The following RHBDD1 variants were observed in gnomAD, a reference collection of about 807,000 sequenced individuals.
RHBDD1 encodes the protein rhomboid domain containing 1, also known as rhomboid-related protein 4.
RHBDD1 carries 38 observed loss-of-function variants against 36.3 expected under a neutral mutation model. The observed-to-expected ratio is 1.05, with a 90% CI of 0.81 to 1.37. The LOEUF is 1.37. Among genes scored for constraint, RHBDD1 ranks in the 40% most tolerant of loss-of-function variants. RHBDD1 has a pLI of 0.00. For missense variants in RHBDD1, 393 were observed against 377.6 expected, an observed-to-expected ratio of 1.04 and a Z score of -0.34; for synonymous variants, 151 against 136.5, an observed-to-expected ratio of 1.11 and a Z score of -0.74.
rs565239026 is a variant in RHBDD1 at position 226,935,622 on chromosome 2, G to C, written c.856+21271G>C. On this transcript the variant is annotated intron_variant, in intron 8 of 8. Transcript: ENST00000392062. ...TGCTGTGAGTCACTGAATCTGATCA[G>C]ATCTCAGTTTTATTTTTTTTTTTTA... is the stretch of plus-strand genomic sequence containing the variant. Among the ~76,000 whole-genome samples, 293 of 139,102 alleles carry C rather than the reference G, an allele frequency of 2.1e-3. 1 individual carries two copies. Among genetic ancestry groups the C allele is most frequent in the Middle Eastern group, 7.2e-3 (2 of 278 alleles). The allele number at this position is 139,102 out of a possible 152,430, so 91.3% of individuals were successfully genotyped here.
chr2:226,849,703 A>G (rs1230222895), intron 3 of RHBDD1, among the ~76,000 whole-genome samples: 5 of 152,204 alleles, frequency 3.3e-5, no homozygotes, highest in Admixed American at 3.3e-4. Context: ...ACTGAATCAT[A>G]TCTATGCCTA....
rs1261127770 is a variant in RHBDD1 at position 226,868,535 on chromosome 2, C to T, written c.566+1217C>T. 2.0e-5 allele frequency among the ~76,000 whole-genome samples: 3 copies of T among 152,184 alleles called. No homozygotes were observed. The East Asian group carries it at 5.8e-4, about 29-fold the overall frequency. On this transcript the variant is annotated intron_variant, in intron 5 of 8. Transcript: ENST00000392062. ...TGGAAATGCATAATGTTTGTTTTTACTGTGGGACTGGACGTTGGCAAAGGG... is the reference window on the plus strand; with the variant it reads ...TGGAAATGCATAATGTTTGTTTTTATTGTGGGACTGGACGTTGGCAAAGGG...
the RHBDD1 span, among the ~76,000 whole-genome samples, chr2:226,812,032 A>G: frequency 4.9e-4 from 75 of 152,314 alleles, 1 homozygote; most frequent in South Asian, 0.015. Context: ...ACTACTCAGG[A>G]TCCTCTCAAG....
chr2:226,909,168 T>C (rs1208472490), intron 7 of RHBDD1, among the ~76,000 whole-genome samples: 1 of 152,144 alleles, frequency 6.6e-6, no homozygotes, highest in East Asian at 1.9e-4. Flanking sequence ...CCTTGGTTCT[T>C]TAAGTCTCAG....
chr2:226,903,698 C>T (rs1421410545), intron 5 of RHBDD1, among the ~76,000 whole-genome samples: 1 of 152,060 alleles, frequency 6.6e-6, no homozygotes, highest in African/African-American at 2.4e-5. Flanking sequence ...AGCAAAGGCC[C>T]CACCCTCAAG....
intron 8 of RHBDD1, among the ~76,000 whole-genome samples, chr2:226,993,603 G>A (rs901954544): frequency 6.6e-6 from 1 of 152,128 alleles, no homozygotes; most frequent in Non-Finnish European, 1.5e-5. Flanking sequence ...CGTTTTTTGG[G>A]GTGTTTATTT....
intron 8 of RHBDD1, among the ~76,000 whole-genome samples, chr2:226,980,126 C>T (rs900573209): frequency 3.9e-5 from 6 of 152,170 alleles, no homozygotes; most frequent in African/African-American, 1.4e-4. Flanking sequence ...CCTTTCATTG[C>T]TTTGACCCAG....
At chr2:226,958,061 A>G (rs1051779923) in intron 8 of RHBDD1, among the ~76,000 whole-genome samples, 3 of 152,246 alleles carry the variant, frequency 2.0e-5, no homozygotes, top group Non-Finnish European at 4.4e-5. Flanking sequence ...ATGAAAACAT[A>G]TACCTACACA....
At chr2:226,956,685 G>A (rs150171357) in intron 8 of RHBDD1, among the ~76,000 whole-genome samples, 19 of 152,172 alleles carry the variant, frequency 1.2e-4, no homozygotes, top group African/African-American at 4.3e-4. Context: ...CTAACAGAAA[G>A]ATCTGTCTCC....
chr2:226,915,720 C>T (rs575038100), intron 8 of RHBDD1, among the ~76,000 whole-genome samples: 1 of 152,166 alleles, frequency 6.6e-6, no homozygotes, highest in African/African-American at 2.4e-5. Flanking sequence ...ATTGCAGTAA[C>T]CTGAACAAGA....
At chr2:226,830,674 C>CT (rs1335976009), upstream of RHBDD1, among the ~76,000 whole-genome samples, 3 of 151,862 alleles carry the variant, frequency 2.0e-5, no homozygotes, top group African/African-American at 4.8e-5. Context: ...CAGATATAAA[C>CT]TTTTTTTTAT....
At chr2:226,977,016 C>G (rs900183303) in intron 8 of RHBDD1, among the ~76,000 whole-genome samples, 1 of 152,172 alleles carries the variant, frequency 6.6e-6, no homozygotes, top group Non-Finnish European at 1.5e-5. Context: ...CCTGGTTTAC[C>G]CTTCAGGCTG....
At chr2:226,872,036 A>T (rs1212523448) in intron 5 of RHBDD1, among the ~76,000 whole-genome samples, 2 of 152,172 alleles carry the variant, frequency 1.3e-5, no homozygotes, top group Non-Finnish European at 2.9e-5. Context: ...ATTATAAAGG[A>T]TGACTTCTTC....
intron 5 of RHBDD1, among the ~76,000 whole-genome samples, chr2:226,894,222 T>C (rs1446992913): frequency 6.6e-6 from 1 of 152,234 alleles, no homozygotes; most frequent in Non-Finnish European, 1.5e-5. Context: ...AGGGCTACTT[T>C]ATATGTCTCC....
rs114734733 is a variant in RHBDD1 at position 226,873,782 on chromosome 2, A to C, written c.566+6464A>C. On this transcript the variant is annotated intron_variant, in intron 5 of 8. Coordinates refer to ENST00000392062, the MANE Select transcript of RHBDD1 (RefSeq NM_001167608.3). ...CCCTGAGAATGTCTATGATGGTATG[A>C]AATTGAGACATGGAGGAAGAAAAGG... is the stretch of plus-strand genomic sequence containing the variant. 4.5e-3 allele frequency among the ~76,000 whole-genome samples: 691 copies of C among 152,284 alleles called. 5 individuals are homozygous for C. The highest frequency in any genetic ancestry group is 0.016 in the African/African-American group (655 of 41,562).
chr2:226,891,531 G>A (rs1946688995), intron 5 of RHBDD1, among the ~76,000 whole-genome samples: 1 of 152,200 alleles, frequency 6.6e-6, no homozygotes, highest in South Asian at 2.1e-4. Flanking sequence ...CCAGGAATCA[G>A]GGATCACCAG....
chr2:226,899,370 G>GCTATATTTTAT lies in RHBDD1; in HGVS notation c.567-7423_567-7422insCTATATTTTAT, dbSNP rs1243739246. 2.1e-3 allele frequency among the ~76,000 whole-genome samples: 315 copies of GCTATATTTTAT among 152,222 alleles called. 4 individuals are homozygous for GCTATATTTTAT. The highest frequency in any genetic ancestry group is 7.3e-3 in the African/African-American group (302 of 41,554). On this transcript the variant is annotated intron_variant, in intron 5 of 8. Transcript: ENST00000392062. ...AATGTATAGCAACATTGATTTGATTGTAACCCTTTCATATTTTATTAAAAT... is the reference window on the plus strand; with the variant it reads ...AATGTATAGCAACATTGATTTGATTGCTATATTTTATTAACCCTTTCATATTTTATTAAAAT...
the RHBDD1 span, among the ~76,000 whole-genome samples, chr2:226,822,611 G>A: frequency 5.4e-5 from 8 of 149,486 alleles, no homozygotes; most frequent in Admixed American, 4.0e-4. Context: ...TCCAGCTTAG[G>A]CGGCATAGTA....
At chr2:226,826,313 ATTG>A in the RHBDD1 span, among the ~76,000 whole-genome samples, 2 of 152,174 alleles carry the variant, frequency 1.3e-5, no homozygotes, top group Non-Finnish European at 2.9e-5. Context: ...AAATTATTTT[ATTG>A]TTATTTCAGC....
Sources: allele counts gnomAD v4.1 joint callset (sites outside exome capture counted in the v4.1 genomes callset), GRCh38; gene constraint gnomAD v4.1.1; transcripts MANE v1.5; gene names NCBI Gene and HGNC (gene_info 2026-07-23, HGNC 2026-07-21).